KLF12: variants seen among roughly 807,000 people sequenced by gnomAD.
The protein encoded by KLF12 is Krueppel-like factor 12.
Under a neutral mutation model 37.8 loss-of-function variants are expected in KLF12, and 9 were observed. That is an observed-to-expected ratio of 0.24 (90% confidence interval 0.14 to 0.42). KLF12 has a LOEUF of 0.42. KLF12 is among the 10% of genes least tolerant of loss of function. KLF12 has a pLI of 1.00. For synonymous variants in KLF12, 208 were observed against 202.1 expected, an observed-to-expected ratio of 1.03 and a Z score of -0.25; for missense variants, 411 against 516.0, an observed-to-expected ratio of 0.80 and a Z score of 1.97.
At chr13:73,999,290 C>G (rs1892206299) in intron 1 of KLF12, among the ~76,000 whole-genome samples, 1 of 152,142 alleles carries the variant, frequency 6.6e-6, no homozygotes, top group African/African-American at 2.4e-5. Flanking sequence ...CTATAAGTAT[C>G]CAATGCTCAC....
intron 5 of KLF12, among the ~76,000 whole-genome samples, chr13:73,797,653 C>G (rs1157991899): frequency 6.6e-6 from 1 of 151,004 alleles, no homozygotes; most frequent in East Asian, 2.0e-4. Flanking sequence ...ACCTGTAATT[C>G]TAGCTACTAG....
At chr13:74,298,864 A>G in the KLF12 span, among the ~76,000 whole-genome samples, 1 of 152,198 alleles carries the variant, frequency 6.6e-6, no homozygotes, top group Non-Finnish European at 1.5e-5. Context: ...TACATGACTA[A>G]TTGAAACCAG....
intron 3 of KLF12, among the ~76,000 whole-genome samples, chr13:73,891,631 C>T (rs1374057433): frequency 2.6e-5 from 4 of 152,088 alleles, no homozygotes; most frequent in African/African-American, 9.7e-5. Flanking sequence ...GCTAATTGTG[C>T]ATTTTCTTGC....
intron 2 of KLF12, among the ~76,000 whole-genome samples, chr13:73,956,778 A>G (rs1363092159): frequency 1.3e-5 from 2 of 151,834 alleles, no homozygotes; most frequent in East Asian, 3.9e-4. Context: ...AATAAAAAAA[A>G]CTAGACGGTC....
chr13:74,020,789 G>A (rs1289670269), intron 1 of KLF12, among the ~76,000 whole-genome samples: 1 of 151,946 alleles, frequency 6.6e-6, no homozygotes, highest in Non-Finnish European at 1.5e-5. Context: ...TACTCGGGAG[G>A]CTGAGGCAGG....
chr13:73,979,900 T>C (rs1891646247), intron 2 of KLF12, among the ~76,000 whole-genome samples: 1 of 152,114 alleles, frequency 6.6e-6, no homozygotes, highest in Admixed American at 6.6e-5. Flanking sequence ...ATGGCTGGTG[T>C]TCTTATAAGA....
chr13:73,944,149 T>C (rs991908342), intron 2 of KLF12, 79 bp from the exon 3 acceptor site: 11 of 799,264 alleles, frequency 1.4e-5, no homozygotes, highest in South Asian at 4.4e-5. Flanking sequence ...TCCCTCATTG[T>C]AGTACATTTA....
chr13:73,826,910 T>C (rs1253923238), intron 4 of KLF12, among the ~76,000 whole-genome samples: 4 of 152,238 alleles, frequency 2.6e-5, no homozygotes, highest in South Asian at 4.2e-4. Flanking sequence ...GCCTCCAGAA[T>C]AGCTGGGACT....
At chr13:74,244,477 G>T in the KLF12 span, among the ~76,000 whole-genome samples, 1 of 152,206 alleles carries the variant, frequency 6.6e-6, no homozygotes, top group Admixed American at 6.5e-5. Flanking sequence ...GACAGGGACA[G>T]AGGGAAGAGG....
chr13:74,056,903 A>G (rs1048087368), intron 1 of KLF12, among the ~76,000 whole-genome samples: 1 of 152,188 alleles, frequency 6.6e-6, no homozygotes, highest in African/African-American at 2.4e-5. Flanking sequence ...CTGGTAAAGG[A>G]GTGAAAAGAC....
the KLF12 span, among the ~76,000 whole-genome samples, chr13:74,140,972 G>A: frequency 1.3e-5 from 2 of 152,050 alleles, no homozygotes; most frequent in African/African-American, 4.8e-5. Flanking sequence ...TGCTGAGGCA[G>A]GAGAATGGCA....
intron 3 of KLF12, among the ~76,000 whole-genome samples, chr13:73,862,818 T>G (rs1489823110): frequency 6.6e-6 from 1 of 152,202 alleles, no homozygotes; most frequent in Non-Finnish European, 1.5e-5. Context: ...AACAGAATTC[T>G]GGTTCCCATG....
At chr13:74,144,679 C>G in the KLF12 span, among the ~76,000 whole-genome samples, 2 of 152,108 alleles carry the variant, frequency 1.3e-5, no homozygotes. Flanking sequence ...ATGCCTGGTA[C>G]TTTTATGTCT....
At chr13:74,298,916 T>A in the KLF12 span, among the ~76,000 whole-genome samples, 2 of 152,178 alleles carry the variant, frequency 1.3e-5, no homozygotes, top group Non-Finnish European at 2.9e-5. Flanking sequence ...TTCAATTCCA[T>A]GAGGGCCCTC....
chr13:73,861,111 CTT>C (rs1885903477), intron 3 of KLF12, among the ~76,000 whole-genome samples: 1 of 152,150 alleles, frequency 6.6e-6, no homozygotes. Flanking sequence ...GGTTCCAAAA[CTT>C]AGTCTTCATG....
chr13:74,300,160 A>C, the KLF12 span, among the ~76,000 whole-genome samples: 1 of 152,160 alleles, frequency 6.6e-6, no homozygotes, highest in Admixed American at 6.6e-5. Flanking sequence ...AATATTTTAA[A>C]ATTTTCTTTT....
rs1162537286 is a variant in KLF12, at chr13:74,133,795, CCTCT to C, written c.-92_-89del. The stretch of plus-strand genomic sequence containing the variant: ...TTTTCTTTCCCTCACACAGAGTCCC[CCTCT>C]CTCTCTCCCTTTCTCTCTCTCACAC... On this transcript the variant is annotated 5_prime_UTR_variant, in exon 1 of 8. Coordinates refer to ENST00000377669, the MANE Select transcript of KLF12 (RefSeq NM_007249.5). Among the ~76,000 whole-genome samples the C allele has an allele frequency of 6.8e-6, 1 of 146,130 alleles. No individual in the cohort carries two copies. The highest frequency in any genetic ancestry group is 1.5e-5 in the Non-Finnish European group (1 of 65,904).
chr13:74,298,051 G>A, the KLF12 span, among the ~76,000 whole-genome samples: 124,139 of 152,106 alleles, frequency 0.82, 51,331 homozygotes, highest in East Asian at 0.91. Context: ...TCGCCTGTAC[G>A]GTGTGGTCAA....
intron 5 of KLF12, among the ~76,000 whole-genome samples, chr13:73,797,251 T>C (rs1245629225): frequency 6.6e-6 from 1 of 152,208 alleles, no homozygotes; most frequent in African/African-American, 2.4e-5. Context: ...CAGTTCTAGA[T>C]CTCCAAATAC....
Sources: allele counts gnomAD v4.1 joint callset (sites outside exome capture counted in the v4.1 genomes callset), GRCh38; gene constraint gnomAD v4.1.1; transcripts MANE v1.5; gene names NCBI Gene and HGNC (gene_info 2026-07-23, HGNC 2026-07-21).